MAP3K8: variants seen among roughly 807,000 people sequenced by gnomAD.
MAP3K8 encodes the protein mitogen-activated protein kinase kinase kinase 8.
Under a neutral mutation model 45.8 loss-of-function variants are expected in MAP3K8, and 22 were observed. The ratio of observed to expected loss-of-function variants is 0.48; its 90% CI spans 0.34 to 0.69. MAP3K8 has a LOEUF of 0.69. Among genes scored for constraint, MAP3K8 ranks in the 30% least tolerant of loss-of-function variants. MAP3K8 has a pLI of 0.01. For missense variants in MAP3K8, 419 were observed against 585.0 expected (o/e 0.72, Z 2.93); for synonymous variants, 223 against 214.3 (o/e 1.04, Z -0.36).
intron 1 of MAP3K8, among the ~76,000 whole-genome samples, chr10:30,436,487 G>A (rs1048634526): frequency 6.6e-6 from 1 of 152,044 alleles, no homozygotes; most frequent in African/African-American, 2.4e-5. Context: ...CCCCTTTCCA[G>A]GCAACTCACA....
intron 4 of MAP3K8, among the ~76,000 whole-genome samples, chr10:30,448,294 C>T (rs1836409027): frequency 2.0e-5 from 3 of 152,130 alleles, no homozygotes; most frequent in South Asian, 2.1e-4. Context: ...CCTTTCATTC[C>T]GCCCACTGCA....
At chr10:30,448,873 G>A (rs542450884) in intron 4 of MAP3K8, among the ~76,000 whole-genome samples, 20 of 152,092 alleles carry the variant, frequency 1.3e-4, no homozygotes, top group Admixed American at 1.2e-3. Context: ...ACCTGTCCAC[G>A]TGGCCACCAA....
At position 30,460,929 on chromosome 10, in the gene MAP3K8, G is replaced by A; in HGVS notation, c.*93G>A. ...ACAGGGGCCCTGTACAGTGAATGGT[G>A]CCATTTTCGAAGGAGCAGTGTGACC... On this transcript the variant is annotated 3_prime_UTR_variant, in exon 9 of 9. Transcript: ENST00000263056. 6.7e-7 allele frequency: 1 copy of A among 1,481,842 alleles called. No individual in the cohort carries two copies. The highest frequency in any genetic ancestry group is 9.0e-7 in the Non-Finnish European group (1 of 1,109,328). The allele number at this position is 1,481,842 out of a possible 1,614,324, so 91.8% of individuals were successfully genotyped here. A position where few individuals can be genotyped will look rare whatever the true frequency, so the allele number is the denominator to read the frequency against.
At chr10:30,453,954 A>AGGAAGGAG (rs1329532399) in intron 6 of MAP3K8, among the ~76,000 whole-genome samples, 73 of 134,824 alleles carry the variant, frequency 5.4e-4, no homozygotes, top group African/African-American at 1.9e-3. Flanking sequence ...GAAGGAAGGA[A>AGGAAGGAG]GGAGAAAGAA....
rs748719604 is a variant in MAP3K8 at position 30,439,127 on chromosome 10, G to A, written c.189G>A (p.Leu63=). 1 of 1,614,224 alleles carries A rather than the reference G, an allele frequency of 6.2e-7. No homozygotes were observed. Among genetic ancestry groups the A allele is most frequent in the Admixed American group, 1.7e-5 (1 of 60,028 alleles). The change falls in exon 3 of 9, where the codon CTG becomes CTA. Residue 63 remains leucine (L), a synonymous_variant. Coordinates refer to ENST00000263056, the MANE Select transcript of MAP3K8 (RefSeq NM_005204.4). ...SNQNDERSKS[L]LLSGQEVPWL... is the part of the protein sequence containing the mutation. Reference sequence around the variant, plus strand: ...AAAACGATGAGCGTTCTAAGTCTCTGCTGCTTAGTGGCCAAGAGGTACCAT... The same window carrying A: ...AAAACGATGAGCGTTCTAAGTCTCTACTGCTTAGTGGCCAAGAGGTACCAT...
intron 1 of MAP3K8, 130 bp from the exon 2 acceptor site, chr10:30,437,046 C>G (rs1835935688): frequency 3.3e-6 from 1 of 304,422 alleles, no homozygotes; most frequent in Non-Finnish European, 4.8e-6. Context: ...CACAATCTCC[C>G]TCGAAGATGT....
In MAP3K8 at chr10:30,458,152, G is replaced by C. The variant is rs1331269681; in HGVS notation, c.942G>C (p.Gly314=). The change falls in exon 7 of 9, where the codon GGG becomes GGC. Residue 314 remains glycine (G), a synonymous_variant. Transcript: ENST00000263056. ...HSTKADIYSL[G]ATLIHMQTGT... is the part of the protein sequence containing the mutation. Reference sequence around the variant, plus strand: ...CCAAAGCAGACATCTACAGCCTGGGGGCCACGCTCATCCACATGCAGACGG... The same window carrying C: ...CCAAAGCAGACATCTACAGCCTGGGCGCCACGCTCATCCACATGCAGACGG... 1 of 1,594,268 alleles carries C rather than the reference G, an allele frequency of 6.3e-7. No individual in the cohort carries two copies.
chr10:30,435,709 C>G (rs911334497), intron 1 of MAP3K8, among the ~76,000 whole-genome samples: 3 of 152,124 alleles, frequency 2.0e-5, no homozygotes, highest in African/African-American at 7.2e-5. Flanking sequence ...CCCGCCGCCA[C>G]GCCCGGCTAA....
At position 30,450,826 on chromosome 10, in the gene MAP3K8, A is replaced by G. The variant is rs191178577; in HGVS notation, c.766+307A>G. ...GCTGGGCACGGTGGCTCACGCCTGT[A>G]ATCTCAGCACTTTGGGATGCTGTGG... On this transcript the variant is annotated intron_variant, in intron 5 of 8. Coordinates refer to ENST00000263056, the MANE Select transcript of MAP3K8 (RefSeq NM_005204.4). Among the ~76,000 whole-genome samples the G allele has an allele frequency of 9.7e-3, 1,473 of 152,178 alleles. 25 individuals carry two copies. Among genetic ancestry groups the G allele is most frequent in the African/African-American group, 0.033 (1,389 of 41,486 alleles).
chr10:30,439,017 A>C lies in MAP3K8; in HGVS notation c.79A>C (p.Ile27Leu). Residue 27 changes from isoleucine to leucine, a missense_variant, in exon 3 of 9, where the codon ATA becomes CTA. By Grantham distance (5) the Ile-to-Leu change is conservative. Transcript: ENST00000263056. Reference protein sequence around the residue: ...LIKHLNVSDVIDIMENLYASE... With the variant: ...LIKHLNVSDVLDIMENLYASE... ...TAAACATTTAAATGTGTCTGATGTAATAGACATTATGGAAAATCTTTATGC... is the reference window on the plus strand; with the variant it reads ...TAAACATTTAAATGTGTCTGATGTACTAGACATTATGGAAAATCTTTATGC... 1 of 1,611,258 alleles carries C rather than the reference A, an allele frequency of 6.2e-7. No homozygotes were observed. The highest frequency in any genetic ancestry group is 1.1e-5 in the South Asian group (1 of 91,028).
chr10:30,456,453 G>T (rs1836730748), intron 6 of MAP3K8, among the ~76,000 whole-genome samples: 1 of 152,130 alleles, frequency 6.6e-6, no homozygotes, highest in African/African-American at 2.4e-5. Context: ...GTTGAGCAGG[G>T]TTAGGGTGGG....
chr10:30,438,831 T>G, intron 2 of MAP3K8, 85 bp from the exon 3 acceptor site: 1 of 714,512 alleles, frequency 1.4e-6, no homozygotes, highest in Non-Finnish European at 2.3e-6. Context: ...AAAATCCTGT[T>G]GCCAATCCTT....
chr10:30,452,332 G>GGTGGCGGGCACCTGTAATCCCA (rs1836571189), intron 6 of MAP3K8, among the ~76,000 whole-genome samples: 2 of 151,798 alleles, frequency 1.3e-5, no homozygotes, highest in Non-Finnish European at 2.9e-5. Flanking sequence ...AACCAGGCGT[G>GGTGGCGGGCACCTGTAATCCCA]GTGGCGGGCA....
At chr10:30,445,840 CCTGA>C (rs1275115212) in intron 3 of MAP3K8, among the ~76,000 whole-genome samples, 3 of 152,120 alleles carry the variant, frequency 2.0e-5, no homozygotes, top group African/African-American at 7.2e-5. Context: ...TGCTTTATTC[CCTGA>C]CTAATAGTGA....
At position 30,460,952 on chromosome 10, in the gene MAP3K8, A is replaced by T; in HGVS notation, c.*116A>T. ...GTGCCATTTTCGAAGGAGCAGTGTG[A>T]CCTCCTGTGACCCGTGAATGTGCCT... On this transcript the variant is annotated 3_prime_UTR_variant, in exon 9 of 9. Transcript: ENST00000263056. The T allele has an allele frequency of 2.3e-6, 3 of 1,307,854 alleles. No homozygotes were observed. Among genetic ancestry groups the T allele is most frequent in the Non-Finnish European group, 3.1e-6 (3 of 968,954 alleles). 81.0% of individuals were successfully genotyped at this position (1,307,854 alleles called of 1,614,324 possible).
At position 30,461,163 on chromosome 10, in the gene MAP3K8, A is replaced by C. The variant is rs909468613; in HGVS notation, c.*327A>C. The C allele has an allele frequency of 3.7e-5, 10 of 271,048 alleles. No homozygotes were observed. Among genetic ancestry groups the C allele is most frequent in the Non-Finnish European group, 6.3e-5 (9 of 143,076 alleles). The allele number at this position is 271,048 out of a possible 1,614,324, so 16.8% of individuals were successfully genotyped here. A position where few individuals can be genotyped will look rare whatever the true frequency, so the allele number is the denominator to read the frequency against. ...TTTAAAAATACCAATCACAAGGATA[A>C]TAGAGTAGCCTAAAATTACTATTCT... is the stretch of plus-strand genomic sequence containing the variant. On this transcript the variant is annotated 3_prime_UTR_variant, in exon 9 of 9. Coordinates refer to ENST00000263056, the MANE Select transcript of MAP3K8 (RefSeq NM_005204.4).
intron 5 of MAP3K8, chr10:30,450,750 A>G: frequency 1.9e-6 from 1 of 523,594 alleles, no homozygotes; most frequent in Non-Finnish European, 3.4e-6. Flanking sequence ...TTATAGCTAC[A>G]TACCTATTAG....
At chr10:30,436,700 A>T (rs1033712554) in intron 1 of MAP3K8, among the ~76,000 whole-genome samples, 39 of 140,072 alleles carry the variant, frequency 2.8e-4, no homozygotes, top group Non-Finnish European at 4.8e-4. Context: ...TACTACTATA[A>T]AAAAAAAAAA....
rs1415642238 is a variant in MAP3K8 at position 30,437,294 on chromosome 10, A to G, written c.-136A>G. On this transcript the variant is annotated 5_prime_UTR_variant, in exon 2 of 9. Transcript: ENST00000263056. The stretch of plus-strand genomic sequence containing the variant: ...AGGAGTCTGACTCAGTACTTTTCTC[A>G]CTCATGCATACAAAGCAGCTAAAAA... The G allele has an allele frequency of 3.0e-6, 3 of 985,262 alleles. No individual in the cohort carries two copies. 61.0% of individuals were successfully genotyped at this position (985,262 alleles called of 1,614,324 possible). A position where few individuals can be genotyped will look rare whatever the true frequency, so the allele number is the denominator to read the frequency against.
Sources: gnomAD v4.1 joint callset for allele counts (sites outside exome capture counted in the v4.1 genomes callset) on GRCh38, gnomAD v4.1.1 for gene constraint, MANE v1.5 for transcripts, NCBI Gene and HGNC (gene_info 2026-07-23, HGNC 2026-07-21) for gene names.